Variants in KDM4C observed in about 807,000 individuals in gnomAD.
KDM4C encodes lysine demethylase 4C, also known as lysine-specific demethylase 4C.
Under a neutral mutation model 129.3 loss-of-function variants are expected in KDM4C, and 81 were observed. The ratio of observed to expected loss-of-function variants is 0.63; its 90% CI spans 0.52 to 0.75. The LOEUF (loss-of-function observed/expected upper bound fraction) is 0.75, where lower values mean the gene tolerates loss of function less well. KDM4C is among the 30% of genes least tolerant of loss of function. The probability of loss-of-function intolerance (pLI) is 0.00; values close to 1 mark genes in which losing one functional copy is unlikely to be tolerated. For missense variants in KDM4C, 1,457 were observed against 1,304.0 expected (o/e 1.12, Z -1.81); for synonymous variants, 573 against 456.1 (o/e 1.26, Z -3.26).
intron 4 of KDM4C, among the ~76,000 whole-genome samples, chr9:6,825,230 G>C (rs990465862): frequency 6.6e-6 from 1 of 151,338 alleles, no homozygotes; most frequent in African/African-American, 2.4e-5. Context: ...ATGTCCTATA[G>C]CTTCTGGAAA....
chr9:6,889,210 T>TG lies in KDM4C; in HGVS notation c.783+1147_783+1148insG, dbSNP rs1157057398. Among the ~76,000 whole-genome samples, 105 of 117,892 alleles carry TG rather than the reference T, an allele frequency of 8.9e-4. 1 individual carries two copies. Among genetic ancestry groups the TG allele is most frequent in the Middle Eastern group, 3.7e-3 (1 of 272 alleles). The allele number at this position is 117,892 out of a possible 152,430, so 77.3% of individuals were successfully genotyped here. A position where few individuals can be genotyped will look rare whatever the true frequency, so the allele number is the denominator to read the frequency against. On this transcript the variant is annotated intron_variant, in intron 7 of 21. Coordinates refer to ENST00000381309, the MANE Select transcript of KDM4C (RefSeq NM_015061.6). The stretch of plus-strand genomic sequence containing the variant: ...TTTAGGTTCTTACTGTGGCCTTCTT[T>TG]TTGTGTGTGTGTGTGTGTGTGTGTG...
chr9:7,078,426 G>T (rs1226911671), intron 17 of KDM4C, among the ~76,000 whole-genome samples: 4 of 151,574 alleles, frequency 2.6e-5, no homozygotes, highest in African/African-American at 9.7e-5. Context: ...GAGCCTCTGG[G>T]TTTTCTTTTC....
At chr9:6,766,044 C>T (rs1391186579) in intron 1 of KDM4C, among the ~76,000 whole-genome samples, 1 of 152,154 alleles carries the variant, frequency 6.6e-6, no homozygotes, top group Non-Finnish European at 1.5e-5. Flanking sequence ...CCACCTCAGC[C>T]TCCCAAAGTG....
chr9:6,785,546 C>T (rs995869349), intron 1 of KDM4C, among the ~76,000 whole-genome samples: 1 of 152,068 alleles, frequency 6.6e-6, no homozygotes, highest in Admixed American at 6.6e-5. Context: ...GCCGTATTGG[C>T]CAGGCTGGTC....
chr9:7,110,957 A>G (rs1159672503), intron 18 of KDM4C, among the ~76,000 whole-genome samples: 6 of 152,206 alleles, frequency 3.9e-5, no homozygotes, highest in Non-Finnish European at 1.5e-5. Context: ...TTAGTTATGG[A>G]GAACTTTAGA....
At chr9:6,963,918 A>C (rs1830453650) in intron 8 of KDM4C, among the ~76,000 whole-genome samples, 1 of 152,170 alleles carries the variant, frequency 6.6e-6, no homozygotes, top group African/African-American at 2.4e-5. Context: ...TTAACTATTC[A>C]GTGCAGAGGA....
chr9:6,935,239 A>AGGCATATCCTT (rs1166213936), intron 8 of KDM4C, among the ~76,000 whole-genome samples: 2 of 152,152 alleles, frequency 1.3e-5, no homozygotes, highest in African/African-American at 2.4e-5. Context: ...TCAATAATTT[A>AGGCATATCCTT]GGCATATCCT....
chr9:6,921,412 A>G (rs1821479034), intron 8 of KDM4C, among the ~76,000 whole-genome samples: 1 of 152,054 alleles, frequency 6.6e-6, no homozygotes, highest in Non-Finnish European at 1.5e-5. Context: ...TTTAGTGGCA[A>G]CTCTGTTTCT....
At position 7,128,370 on chromosome 9, in the gene KDM4C, AAAT is replaced by A. The variant is rs1349918417; in HGVS notation, c.2781+139_2781+141del. On this transcript the variant is annotated intron_variant, in intron 19 of 21. Transcript: ENST00000381309. ...CTTGGTTCATAGACTTTATCATTCTAAATAATATCCAGGTGAACTTAGACTGAT... is the reference window on the plus strand; with the variant it reads ...CTTGGTTCATAGACTTTATCATTCTAAATATCCAGGTGAACTTAGACTGAT... The A allele has an allele frequency of 5.1e-6, 3 of 582,860 alleles. No individual in the cohort carries two copies. In the African/African-American group the frequency reaches 5.9e-5, roughly 11 times the overall value. The allele number at this position is 582,860 out of a possible 1,614,324, so 36.1% of individuals were successfully genotyped here. A position where few individuals can be genotyped will look rare whatever the true frequency, so the allele number is the denominator to read the frequency against.
At chr9:6,822,999 A>G (rs1309464044) in intron 4 of KDM4C, among the ~76,000 whole-genome samples, 1 of 152,232 alleles carries the variant, frequency 6.6e-6, no homozygotes, top group Non-Finnish European at 1.5e-5. Flanking sequence ...CTGCATTTCT[A>G]GCAATACCTA....
chr9:6,799,642 CTT>C (rs1052629844), intron 2 of KDM4C, among the ~76,000 whole-genome samples: 31 of 121,482 alleles, frequency 2.6e-4, no homozygotes, highest in Non-Finnish European at 3.8e-4. Flanking sequence ...TTTTTCTTTT[CTT>C]TTTTTTTTTT....
At chr9:7,141,514 G>C (rs1422099543) in intron 19 of KDM4C, among the ~76,000 whole-genome samples, 1 of 152,194 alleles carries the variant, frequency 6.6e-6, no homozygotes, top group Non-Finnish European at 1.5e-5. Context: ...GTAAAATCAA[G>C]AGTACCAGGT....
chr9:6,817,436 C>G (rs1832325398), intron 4 of KDM4C, among the ~76,000 whole-genome samples: 1 of 152,070 alleles, frequency 6.6e-6, no homozygotes, highest in African/African-American at 2.4e-5. Context: ...AACTCCTGGG[C>G]TCAAGCGATC....
chr9:6,731,074 A>C (rs914009288), intron 1 of KDM4C, among the ~76,000 whole-genome samples: 4 of 152,162 alleles, frequency 2.6e-5, no homozygotes, highest in Non-Finnish European at 5.9e-5. Context: ...AGATTGACCA[A>C]AACTTGAGTC....
chr9:6,990,802 A>G (rs151145218), intron 12 of KDM4C, among the ~76,000 whole-genome samples: 156 of 152,304 alleles, frequency 1.0e-3, no homozygotes, highest in African/African-American at 3.6e-3. Context: ...GGTTCTACAG[A>G]AGAAGCTGAG....
intron 15 of KDM4C, among the ~76,000 whole-genome samples, chr9:7,018,936 G>T (rs1454990878): frequency 6.6e-6 from 1 of 152,058 alleles, no homozygotes; most frequent in East Asian, 1.9e-4. Flanking sequence ...AGTTGAACTG[G>T]GAACTCTTGA....
intron 8 of KDM4C, among the ~76,000 whole-genome samples, chr9:6,898,606 A>G (rs560684544): frequency 2.3e-4 from 35 of 152,212 alleles, no homozygotes; most frequent in Non-Finnish European, 4.3e-4. Flanking sequence ...TGATACTTGA[A>G]TCCTCAAATG....
At chr9:6,812,505 C>G (rs982713147) in intron 3 of KDM4C, among the ~76,000 whole-genome samples, 1 of 152,096 alleles carries the variant, frequency 6.6e-6, no homozygotes, top group Admixed American at 6.6e-5. Context: ...ACGGTCCTAC[C>G]TCAGATCATC....
chr9:7,107,118 A>G (rs1456092665), intron 18 of KDM4C, among the ~76,000 whole-genome samples: 1 of 152,204 alleles, frequency 6.6e-6, no homozygotes, highest in Non-Finnish European at 1.5e-5. Flanking sequence ...TCATGTGTGC[A>G]CATGAGTGTG....
Sources: gnomAD v4.1 joint callset for allele counts (sites outside exome capture counted in the v4.1 genomes callset) on GRCh38, gnomAD v4.1.1 for gene constraint, MANE v1.5 for transcripts, NCBI Gene and HGNC (gene_info 2026-07-23, HGNC 2026-07-21) for gene names.